Variants in TTLL7 observed in about 807,000 individuals in gnomAD.
The protein encoded by TTLL7 is tubulin tyrosine ligase like 7.
In TTLL7, 53 loss-of-function variants were observed where a neutral mutation model predicts 120.2. That is an observed-to-expected ratio of 0.44 (90% CI 0.35 to 0.55). The LOEUF (loss-of-function observed/expected upper bound fraction) is 0.55, where lower values mean the gene tolerates loss of function less well. Ranked by LOEUF, TTLL7 falls within the 20% of genes least tolerant of loss-of-function variation. TTLL7 has a pLI of 0.00. For synonymous variants in TTLL7, 353 were observed against 351.7 expected, an observed-to-expected ratio of 1.00 and a Z score of -0.04; for missense variants, 803 against 1,054.7, an observed-to-expected ratio of 0.76 and a Z score of 3.31.
intron 1 of TTLL7, among the ~76,000 whole-genome samples, chr1:83,958,711 A>G (rs974509854): frequency 1.3e-5 from 2 of 152,240 alleles, no homozygotes; most frequent in African/African-American, 4.8e-5. Flanking sequence ...TAAATGAAAC[A>G]TGCCACTTTT....
At chr1:83,900,288 T>C in intron 18 of TTLL7, 1 of 274,694 alleles carries the variant, frequency 3.6e-6, no homozygotes, top group Non-Finnish European at 7.3e-6. Flanking sequence ...CAAAAATTGA[T>C]AGAAAGCCTC....
At chr1:83,976,929 C>T (rs919837501) in intron 1 of TTLL7, among the ~76,000 whole-genome samples, 19 of 151,922 alleles carry the variant, frequency 1.3e-4, no homozygotes, top group Admixed American at 1.1e-3. Flanking sequence ...TCTCTCTTAA[C>T]ATTAACTTAA....
At chr1:83,964,419 T>C (rs1472877584) in intron 1 of TTLL7, among the ~76,000 whole-genome samples, 1 of 152,170 alleles carries the variant, frequency 6.6e-6, no homozygotes, top group Non-Finnish European at 1.5e-5. Context: ...TCACTCATTC[T>C]TTCTTCTCTT....
chr1:83,933,845 C>A, intron 8 of TTLL7, 79 bp from the exon 9 acceptor site: 1 of 1,378,456 alleles, frequency 7.3e-7, no homozygotes, highest in Non-Finnish European at 9.9e-7. Flanking sequence ...GGCCCACAAA[C>A]TGGCAGCCTG....
At chr1:83,903,804 T>G (rs1656946498) in intron 18 of TTLL7, among the ~76,000 whole-genome samples, 1 of 152,080 alleles carries the variant, frequency 6.6e-6, no homozygotes, top group Non-Finnish European at 1.5e-5. Flanking sequence ...CATAGAAGGC[T>G]GACTGTACTA....
chr1:83,874,633 C>G (rs1653751200), intron 20 of TTLL7, among the ~76,000 whole-genome samples: 1 of 152,146 alleles, frequency 6.6e-6, no homozygotes, highest in African/African-American at 2.4e-5. Flanking sequence ...CACATCCTTG[C>G]CAACACTTAC....
intron 20 of TTLL7, among the ~76,000 whole-genome samples, chr1:83,870,909 CAA>C (rs746316204): frequency 4.2e-5 from 5 of 118,086 alleles, no homozygotes; most frequent in Non-Finnish European, 5.4e-5. Context: ...GACTTCATCT[CAA>C]AAAAAAAAAA....
chr1:83,965,115 AT>A (rs5775772), intron 1 of TTLL7, among the ~76,000 whole-genome samples: 150,909 of 151,884 alleles, frequency 0.99, 74,967 homozygotes, highest in Middle Eastern at 1. Context: ...CAGTCAATCT[AT>A]TTTTTTTTAA....
intron 20 of TTLL7, among the ~76,000 whole-genome samples, chr1:83,877,369 T>C (rs895551058): frequency 1.3e-5 from 2 of 152,004 alleles, no homozygotes; most frequent in Non-Finnish European, 2.9e-5. Flanking sequence ...CAGGTTTTGG[T>C]ATCAAAAGTA....
chr1:83,997,734 CTAT>C (rs1172136811), intron 1 of TTLL7, among the ~76,000 whole-genome samples: 1 of 152,152 alleles, frequency 6.6e-6, no homozygotes, highest in African/African-American at 2.4e-5. Context: ...AACTAAGTAA[CTAT>C]TATTACTGTA....
chr1:83,997,643 G>A (rs1322334142), intron 1 of TTLL7, among the ~76,000 whole-genome samples: 1 of 152,152 alleles, frequency 6.6e-6, no homozygotes, highest in Non-Finnish European at 1.5e-5. Context: ...TCACAGAGTT[G>A]TAATGAATCA....
At chr1:83,959,111 T>C (rs1031040782) in intron 1 of TTLL7, among the ~76,000 whole-genome samples, 1 of 152,144 alleles carries the variant, frequency 6.6e-6, no homozygotes, top group Admixed American at 6.6e-5. Flanking sequence ...AAAAATAAAA[T>C]AGGTTTGGAA....
intron 1 of TTLL7, among the ~76,000 whole-genome samples, chr1:83,953,190 A>G (rs1649216988): frequency 6.6e-6 from 1 of 152,084 alleles, no homozygotes; most frequent in Non-Finnish European, 1.5e-5. Context: ...CCTATAGTAC[A>G]CTTTGCTTGT....
chr1:83,983,905 T>A (rs1315974525), intron 1 of TTLL7: 4 of 152,146 alleles, frequency 2.6e-5, no homozygotes, highest in African/African-American at 9.6e-5. Context: ...GCCAGGGCAA[T>A]ATAATGAGAC....
chr1:83,927,676 G>A (rs541579976), intron 10 of TTLL7, among the ~76,000 whole-genome samples: 1 of 152,278 alleles, frequency 6.6e-6, no homozygotes, highest in South Asian at 2.1e-4. Context: ...CATAATGAAA[G>A]TAAGATCATT....
In TTLL7 at chr1:83,919,833, G is replaced by A. The variant is rs868019143; in HGVS notation, c.1366C>T (p.Arg456Ter). Reference protein sequence around the residue: ...HENRHMGNYRRIYPPEDKALL... With the variant: ...HENRHMGNYR ...GCTTTATCTTCAGGAGGATAAATTCGTCTACAACAAAATCAGATAAACCAA... is the reference window on the plus strand; with the variant it reads ...GCTTTATCTTCAGGAGGATAAATTCATCTACAACAAAATCAGATAAACCAA... Residue 456 changes from arginine to a stop codon, truncating the protein, a stop_gained and splice_region_variant, in exon 13 of 21, where the codon CGA (arginine) becomes TGA (stop). Coordinates refer to ENST00000260505, the MANE Select transcript of TTLL7 (RefSeq NM_024686.6). LOFTEE classifies it high-confidence loss of function. 4 of 1,607,816 alleles carry A rather than the reference G, an allele frequency of 2.5e-6. No individual in the cohort carries two copies. The highest frequency in any genetic ancestry group is 1.1e-5 in the South Asian group (1 of 89,816).
intron 1 of TTLL7, among the ~76,000 whole-genome samples, chr1:83,973,491 G>T (rs1651182708): frequency 6.6e-6 from 1 of 152,026 alleles, no homozygotes; most frequent in African/African-American, 2.4e-5. Flanking sequence ...AAGTCTTAAA[G>T]TTGGGTAGTG....
At position 83,954,455 on chromosome 1, in the gene TTLL7, G is replaced by A. The variant is rs983590289; in HGVS notation, c.-176-2068C>T. Among the ~76,000 whole-genome samples the A allele has an allele frequency of 3.3e-5, 5 of 152,148 alleles. No individual in the cohort carries two copies. The East Asian group carries it at 9.6e-4, about 29-fold the overall frequency. On this transcript the variant is annotated intron_variant, in intron 1 of 20. Transcript: ENST00000260505. The stretch of plus-strand genomic sequence containing the variant: ...CAGCTTTATTCTAAGCAAGAGATTT[G>A]AGATGACGGATTTATCCCACCACTC...
At chr1:83,953,177 TGG>T (rs1216930841) in intron 1 of TTLL7, among the ~76,000 whole-genome samples, 4 of 152,196 alleles carry the variant, frequency 2.6e-5, no homozygotes, top group African/African-American at 9.6e-5. Flanking sequence ...CATCTCAACA[TGG>T]CCTATAGTAC....
Sources: gnomAD v4.1 joint callset for allele counts (sites outside exome capture counted in the v4.1 genomes callset) on GRCh38, gnomAD v4.1.1 for gene constraint, MANE v1.5 for transcripts, NCBI Gene and HGNC (gene_info 2026-07-23, HGNC 2026-07-21) for gene names.